The following MAF variants were observed in gnomAD, a reference collection of about 807,000 sequenced individuals.
The protein encoded by MAF is MAF bZIP transcription factor, also known as transcription factor Maf.
A neutral mutation model predicts 22.0 loss-of-function variants in MAF; 10 were observed. The observed-to-expected ratio is 0.45, with a 90% CI of 0.28 to 0.77. MAF has a LOEUF of 0.77. MAF is among the 30% of genes least tolerant of loss of function. The pLI is 0.12. For missense variants in MAF, 544 were observed against 548.4 expected (o/e 0.99, Z 0.08); for synonymous variants, 337 against 255.8 (o/e 1.32, Z -3.03).
At chr16:79,382,505 T>C in the MAF span, among the ~76,000 whole-genome samples, 1 of 152,242 alleles carries the variant, frequency 6.6e-6, no homozygotes, top group African/African-American at 2.4e-5. Context: ...ACTGTGCTAA[T>C]TTTAACTAAT....
At chr16:79,272,535 G>A in the MAF span, among the ~76,000 whole-genome samples, 1 of 152,160 alleles carries the variant, frequency 6.6e-6, no homozygotes. Context: ...CGCTCCATGC[G>A]GATGCCCTAA....
the MAF span, among the ~76,000 whole-genome samples, chr16:79,404,915 A>C: frequency 6.6e-6 from 1 of 151,482 alleles, no homozygotes; most frequent in African/African-American, 2.4e-5. Flanking sequence ...AAATTCACTC[A>C]CTCCCTCATT....
At chr16:79,223,756 C>T in the MAF span, among the ~76,000 whole-genome samples, 1 of 152,116 alleles carries the variant, frequency 6.6e-6, no homozygotes, top group South Asian at 2.1e-4. Flanking sequence ...ACTAGAAAAT[C>T]TAGAAGAAAT....
chr16:79,400,647 G>A, the MAF span, among the ~76,000 whole-genome samples: 1 of 152,202 alleles, frequency 6.6e-6, no homozygotes, highest in Non-Finnish European at 1.5e-5. Context: ...AGCATCTCCT[G>A]ATTGGGATCT....
chr16:79,410,532 G>A, the MAF span, among the ~76,000 whole-genome samples: 4 of 152,240 alleles, frequency 2.6e-5, no homozygotes, highest in African/African-American at 7.2e-5. Flanking sequence ...CGTGCCCTGC[G>A]CTGGGTACAT....
chr16:79,269,163 G>T, the MAF span, among the ~76,000 whole-genome samples: 2 of 152,160 alleles, frequency 1.3e-5, no homozygotes, highest in Non-Finnish European at 2.9e-5. Context: ...AGATGTCTTG[G>T]TGTTTGCCTT....
chr16:79,324,509 A>T, the MAF span, among the ~76,000 whole-genome samples: 1 of 152,182 alleles, frequency 6.6e-6, no homozygotes, highest in East Asian at 1.9e-4. Flanking sequence ...ATGTGTACCA[A>T]TGGATTACTG....
the MAF span, among the ~76,000 whole-genome samples, chr16:79,447,575 G>A: frequency 1.3e-5 from 2 of 152,070 alleles, no homozygotes; most frequent in East Asian, 3.9e-4. Flanking sequence ...GGTGGATCTG[G>A]GCAAAGTAAA....
chr16:79,482,442 C>T, the MAF span, among the ~76,000 whole-genome samples: 7 of 152,164 alleles, frequency 4.6e-5, no homozygotes, highest in Non-Finnish European at 8.8e-5. Flanking sequence ...TTTTACAAAA[C>T]CTGAGCTGGC....
At chr16:79,523,009 A>C in the MAF span, among the ~76,000 whole-genome samples, 1 of 152,224 alleles carries the variant, frequency 6.6e-6, no homozygotes, top group African/African-American at 2.4e-5. Flanking sequence ...ACGGAAAGAC[A>C]ATTTTGAGGA....
chr16:79,408,368 G>T, the MAF span, among the ~76,000 whole-genome samples: 1 of 152,006 alleles, frequency 6.6e-6, no homozygotes, highest in African/African-American at 2.4e-5. Context: ...TAGAGACGGG[G>T]TTTCGCCATG....
the MAF span, among the ~76,000 whole-genome samples, chr16:79,243,258 C>A: frequency 6.6e-6 from 1 of 151,908 alleles, no homozygotes; most frequent in Non-Finnish European, 1.5e-5. Flanking sequence ...TCCGTGAATC[C>A]AGAAGCTGTT....
chr16:79,260,411 C>T, the MAF span, among the ~76,000 whole-genome samples: 1 of 152,122 alleles, frequency 6.6e-6, no homozygotes, highest in East Asian at 1.9e-4. Flanking sequence ...CTTGGCCTCC[C>T]AGAGTCCTGG....
chr16:79,550,130 C>A, the MAF span, among the ~76,000 whole-genome samples: 1 of 152,136 alleles, frequency 6.6e-6, no homozygotes, highest in Non-Finnish European at 1.5e-5. Flanking sequence ...TTTGTTCCCC[C>A]AGGGCATCTG....
chr16:79,431,916 G>A, the MAF span, among the ~76,000 whole-genome samples: 48,380 of 152,018 alleles, frequency 0.32, 8,317 homozygotes, highest in African/African-American at 0.45. Context: ...TGCCTATGCT[G>A]AAGACTGAGC....
chr16:79,529,015 A>G, the MAF span, among the ~76,000 whole-genome samples: 4 of 152,228 alleles, frequency 2.6e-5, no homozygotes, highest in Non-Finnish European at 4.4e-5. Context: ...AAGGAGCTCG[A>G]GCTGTCAGGA....
the MAF span, among the ~76,000 whole-genome samples, chr16:79,520,675 G>A: frequency 6.6e-6 from 1 of 152,158 alleles, no homozygotes; most frequent in Non-Finnish European, 1.5e-5. Flanking sequence ...CTGGCTTTGG[G>A]GCAAATCAGA....
At chr16:79,595,016 T>A (rs893483718) in intron 1 of MAF, 3 of 1,060,380 alleles carry the variant, frequency 2.8e-6, no homozygotes, top group Non-Finnish European at 3.4e-6. Flanking sequence ...AATATCACTC[T>A]TATTTTGAGA....
the MAF span, among the ~76,000 whole-genome samples, chr16:79,441,050 T>TG: frequency 1.3e-5 from 2 of 152,238 alleles, no homozygotes; most frequent in African/African-American, 4.8e-5. Context: ...CCTCCATACA[T>TG]GGGTGAAATA....
Sources: allele counts gnomAD v4.1 joint callset (sites outside exome capture counted in the v4.1 genomes callset), GRCh38; gene constraint gnomAD v4.1.1; transcripts MANE v1.5; gene names NCBI Gene and HGNC (gene_info 2026-07-23, HGNC 2026-07-21).